Variants in OTUB1 observed in about 807,000 individuals in gnomAD.
OTUB1 encodes the protein OTU deubiquitinase, ubiquitin aldehyde binding 1.
A neutral mutation model predicts 35.8 loss-of-function variants in OTUB1; 10 were observed. The observed-to-expected ratio is 0.28, with a 90% confidence interval of 0.17 to 0.47. The LOEUF (loss-of-function observed/expected upper bound fraction) is 0.47. Among genes scored for constraint, OTUB1 ranks in the 20% least tolerant of loss-of-function variants. The pLI is 0.99. For synonymous variants in OTUB1, 158 were observed against 143.8 expected, an observed-to-expected ratio of 1.10 and a Z score of -0.71; for missense variants, 264 against 351.6, an observed-to-expected ratio of 0.75 and a Z score of 1.99.
In OTUB1 at chr11:63,997,411, C is replaced by G; in HGVS notation, c.681C>G (p.Leu227=). 1 of 1,614,120 alleles carries G rather than the reference C, an allele frequency of 6.2e-7. No individual in the cohort carries two copies. Among genetic ancestry groups the G allele is most frequent in the African/African-American group, 1.3e-5 (1 of 75,056 alleles). ...HIHIIALAQA[L]SVSIQVEYMD... is the part of the protein sequence containing the mutation. Reference sequence around the variant, plus strand: ...ACATCATTGCGCTGGCCCAGGCCCTCAGCGTGTCCATCCAGGTGGAGTACA... The same window carrying G: ...ACATCATTGCGCTGGCCCAGGCCCTGAGCGTGTCCATCCAGGTGGAGTACA... Residue 227 remains leucine (L), a synonymous_variant, in exon 7 of 7, where the codon CTC becomes CTG. Transcript: ENST00000538426.
rs1037104638 is a variant in OTUB1 at position 63,998,070 on chromosome 11, G to C, written c.*524G>C. The C allele has an allele frequency of 2.4e-6, 1 of 423,820 alleles. No homozygotes were observed. Among genetic ancestry groups the C allele is most frequent in the African/African-American group, 2.0e-5 (1 of 49,890 alleles). The allele number at this position is 423,820 out of a possible 1,614,324, so 26.3% of individuals were successfully genotyped here. A position where few individuals can be genotyped will look rare whatever the true frequency, so the allele number is the denominator to read the frequency against. ...ATGGTTGGGAGTCCTGGGTGGAGGGGCCTTTGTGAGGCTGGACCCGGCTCA... is the reference window on the plus strand; with the variant it reads ...ATGGTTGGGAGTCCTGGGTGGAGGGCCCTTTGTGAGGCTGGACCCGGCTCA... On this transcript the variant is annotated 3_prime_UTR_variant, in exon 7 of 7. Transcript: ENST00000538426.
chr11:63,994,405 A>C (rs1942699007), intron 3 of OTUB1, among the ~76,000 whole-genome samples: 1 of 152,176 alleles, frequency 6.6e-6, no homozygotes, highest in Non-Finnish European at 1.5e-5. Context: ...GGTGTGTGCC[A>C]CCACGCCCAG....
intron 3 of OTUB1, among the ~76,000 whole-genome samples, chr11:63,991,703 G>A (rs771225793): frequency 1.1e-4 from 17 of 152,208 alleles, no homozygotes; most frequent in Non-Finnish European, 1.5e-4. Context: ...CAGTAGCAGT[G>A]GTGATTTGGG....
chr11:63,994,328 C>T (rs1460691263), intron 3 of OTUB1, among the ~76,000 whole-genome samples: 2 of 152,158 alleles, frequency 1.3e-5, no homozygotes, highest in African/African-American at 4.8e-5. Context: ...TCTCGGCTCA[C>T]TGCAATCTCC....
intron 3 of OTUB1, among the ~76,000 whole-genome samples, chr11:63,991,898 G>A (rs1942675857): frequency 6.6e-6 from 1 of 152,202 alleles, no homozygotes; most frequent in African/African-American, 2.4e-5. Context: ...GTATCAGAAG[G>A]CGGTGAGTGC....
chr11:63,986,634 C>T, intron 1 of OTUB1, 120 bp downstream of exon 1: 4 of 752,408 alleles, frequency 5.3e-6, no homozygotes, highest in East Asian at 2.9e-5. Flanking sequence ...GCGAGGGGTC[C>T]CTTCCTCCAC....
At chr11:63,990,597 A>AAATAAATAAAT (rs1555002840) in intron 3 of OTUB1, 13 of 144,834 alleles carry the variant, frequency 9.0e-5, no homozygotes, top group African/African-American at 3.5e-4. Context: ...AAAAAATAAA[A>AAATAAATAAAT]AAATAAATAA....
chr11:63,996,498 G>A (rs1487318543), intron 3 of OTUB1, 32 bp from the exon 4 acceptor site: 1 of 1,612,138 alleles, frequency 6.2e-7, no homozygotes, highest in African/African-American at 1.3e-5. Flanking sequence ...CTGGCCTGAT[G>A]TTAACCTGTC....
chr11:63,990,585 T>TAAAAAAAAAAAAAAAAAAAA (rs774764039), intron 3 of OTUB1: 4 of 125,084 alleles, frequency 3.2e-5, no homozygotes, highest in African/African-American at 1.3e-4. Flanking sequence ...ACCTGTCTCT[T>TAAAAAAAAAAAAAAAAAAAA]AAAAAAATAA....
chr11:63,997,308 G>A (rs368223871), intron 6 of OTUB1, 41 bp from the exon 7 acceptor site: 8 of 1,612,016 alleles, frequency 5.0e-6, no homozygotes, highest in Middle Eastern at 1.6e-4. Flanking sequence ...GGCCTGGGGC[G>A]GGGTGCGGAG....
chr11:63,997,634 C>A lies in OTUB1; in HGVS notation c.*88C>A. 9.1e-7 allele frequency: 1 copy of A among 1,104,504 alleles called. No homozygotes were observed. The highest frequency in any genetic ancestry group is 1.4e-6 in the Non-Finnish European group (1 of 728,750). The allele number at this position is 1,104,504 out of a possible 1,614,324, so 68.4% of individuals were successfully genotyped here. Reference sequence around the variant, plus strand: ...GGTTTTTCTGTGGTTGTAAATGGTCCTATTTCACCCCCTTCTTCCTGTCAC... The same window carrying A: ...GGTTTTTCTGTGGTTGTAAATGGTCATATTTCACCCCCTTCTTCCTGTCAC... On this transcript the variant is annotated 3_prime_UTR_variant, in exon 7 of 7. Coordinates refer to ENST00000538426, the MANE Select transcript of OTUB1 (RefSeq NM_017670.3).
At chr11:63,992,209 C>T (rs987230749) in intron 3 of OTUB1, among the ~76,000 whole-genome samples, 1 of 150,464 alleles carries the variant, frequency 6.6e-6, no homozygotes, top group Non-Finnish European at 1.5e-5. Context: ...AGCAAAACTC[C>T]ACCTCAAAAA....
chr11:63,986,627 A>AG, intron 1 of OTUB1, 113 bp downstream of exon 1: 2 of 869,682 alleles, frequency 2.3e-6, no homozygotes, highest in South Asian at 3.5e-5. Flanking sequence ...GAGGTGCGCG[A>AG]GGGGTCCCTT....
At chr11:63,993,253 C>T (rs1489347586) in intron 3 of OTUB1, among the ~76,000 whole-genome samples, 1 of 152,174 alleles carries the variant, frequency 6.6e-6, no homozygotes, top group Non-Finnish European at 1.5e-5. Context: ...TTGATCTCAG[C>T]TGCACTCAGT....
At chr11:63,995,745 T>G (rs1049500163) in intron 3 of OTUB1, among the ~76,000 whole-genome samples, 65 of 151,058 alleles carry the variant, frequency 4.3e-4, no homozygotes, top group African/African-American at 1.6e-3. Context: ...AAGGCAGATG[T>G]GCTGGTGGGG....
At chr11:63,992,004 G>T (rs1208638271) in intron 3 of OTUB1, among the ~76,000 whole-genome samples, 1 of 152,160 alleles carries the variant, frequency 6.6e-6, no homozygotes, top group Non-Finnish European at 1.5e-5. Context: ...GATCACCTGA[G>T]GTCAGGAGTT....
intron 3 of OTUB1, among the ~76,000 whole-genome samples, chr11:63,993,048 C>T (rs931970627): frequency 1.3e-5 from 2 of 152,240 alleles, no homozygotes; most frequent in African/African-American, 4.8e-5. Context: ...GAGGCAGGGA[C>T]ACTGCCAGGA....
chr11:63,996,147 G>A (rs76230469), intron 3 of OTUB1, among the ~76,000 whole-genome samples: 13,722 of 152,090 alleles, frequency 0.09, 2,096 homozygotes, highest in African/African-American at 0.31. Flanking sequence ...ACCTGGTTGA[G>A]GCGTGGAGGC....
At chr11:63,991,760 G>A (rs1055795082) in intron 3 of OTUB1, among the ~76,000 whole-genome samples, 1 of 152,158 alleles carries the variant, frequency 6.6e-6, no homozygotes, top group African/African-American at 2.4e-5. Flanking sequence ...TATTGAGAAC[G>A]GACTGTGGTC....
Sources: gnomAD v4.1 joint callset for allele counts (sites outside exome capture counted in the v4.1 genomes callset) on GRCh38, gnomAD v4.1.1 for gene constraint, MANE v1.5 for transcripts, NCBI Gene and HGNC (gene_info 2026-07-23, HGNC 2026-07-21) for gene names.